Variants in LEKR1 observed in about 807,000 individuals in gnomAD.
LEKR1 encodes leucine, glutamate and lysine rich 1, also known as protein LEKR1.
LEKR1 carries 59 observed loss-of-function variants against 72.4 expected under a neutral mutation model. The ratio of observed to expected loss-of-function variants is 0.82; its 90% CI spans 0.66 to 1.01. The LOEUF is 1.01. Among genes scored for constraint, LEKR1 ranks in the 50% least tolerant of loss-of-function variants. The probability of loss-of-function intolerance (pLI) is 0.00; values close to 1 mark genes in which losing one functional copy is unlikely to be tolerated. For synonymous variants in LEKR1, 257 were observed against 263.2 expected (o/e 0.98, Z 0.23); for missense variants, 728 against 759.2 (o/e 0.96, Z 0.48).
intron 12 of LEKR1, among the ~76,000 whole-genome samples, chr3:157,042,742 T>G (rs1735445026): frequency 6.6e-6 from 1 of 152,250 alleles, no homozygotes; most frequent in African/African-American, 2.4e-5. Flanking sequence ...CATTCCATAT[T>G]GTTGTGCCTG....
intron 6 of LEKR1, among the ~76,000 whole-genome samples, chr3:156,960,138 T>C (rs1179475729): frequency 2.0e-5 from 3 of 152,232 alleles, no homozygotes; most frequent in African/African-American, 7.2e-5. Context: ...TCTGATATGC[T>C]ATGATTCTGG....
chr3:156,922,649 G>A (rs912193658), intron 4 of LEKR1, among the ~76,000 whole-genome samples: 1 of 152,138 alleles, frequency 6.6e-6, no homozygotes, highest in Non-Finnish European at 1.5e-5. Context: ...TCCAGCCTGT[G>A]TCTTGCAAGG....
chr3:156,857,613 A>G (rs1406414355), intron 3 of LEKR1, among the ~76,000 whole-genome samples: 8 of 152,202 alleles, frequency 5.3e-5, no homozygotes, highest in Admixed American at 5.2e-4. Flanking sequence ...TGTGAAATGC[A>G]CTAATGAATG....
At chr3:156,870,413 C>T (rs1717789044) in intron 3 of LEKR1, among the ~76,000 whole-genome samples, 1 of 151,918 alleles carries the variant, frequency 6.6e-6, no homozygotes, top group African/African-American at 2.4e-5. Flanking sequence ...TTTTTCACCT[C>T]CTTGGTTAAA....
intron 3 of LEKR1, 75 bp from the exon 4 acceptor site, chr3:156,920,496 AAAGT>A (rs1192200159): frequency 4.7e-6 from 4 of 847,764 alleles, no homozygotes; most frequent in Non-Finnish European, 7.1e-6. Flanking sequence ...CTTTTTATTA[AAAGT>A]AAGTATATTT....
intron 3 of LEKR1, among the ~76,000 whole-genome samples, chr3:156,883,128 T>C (rs907055007): frequency 2.6e-5 from 4 of 151,798 alleles, no homozygotes; most frequent in African/African-American, 7.3e-5. Context: ...ATTGTGCACA[T>C]GTACCCTAAA....
intron 3 of LEKR1, among the ~76,000 whole-genome samples, chr3:156,920,357 T>C (rs1724076356): frequency 6.6e-6 from 1 of 152,188 alleles, no homozygotes; most frequent in South Asian, 2.1e-4. Context: ...TTCAATATTC[T>C]TTACTTTTTC....
rs143627983 is a variant in LEKR1, at chr3:156,848,425, C to T, written c.49-4343C>T. On this transcript the variant is annotated intron_variant, in intron 2 of 12. Transcript: ENST00000356539. ...ATTTGTGAGGATATATTAGACAAAA[C>T]ATAACCCTTGGGCCAATTTTATGTT... Among the ~76,000 whole-genome samples the T allele has an allele frequency of 7.4e-3, 1,125 of 152,188 alleles. 11 individuals are homozygous for T. The highest frequency in any genetic ancestry group is 0.011 in the Non-Finnish European group (776 of 67,990).
rs532936153 is a variant in LEKR1 at position 157,016,209 on chromosome 3, C to G, written c.1203+4703C>G. Among the ~76,000 whole-genome samples the G allele has an allele frequency of 9.2e-5, 14 of 152,088 alleles. No homozygotes were observed. The South Asian group carries it at 2.9e-3, about 32-fold the overall frequency. On this transcript the variant is annotated intron_variant, in intron 10 of 12. Coordinates refer to ENST00000356539, the MANE Select transcript of LEKR1 (RefSeq NM_001004316.3). Reference sequence around the variant, plus strand: ...GAAAGTTTTACAAATTTAATGAAAACTAAACACCCACAGTTTTAAGAAGCT... The same window carrying G: ...GAAAGTTTTACAAATTTAATGAAAAGTAAACACCCACAGTTTTAAGAAGCT...
At chr3:157,039,930 G>GT (rs1330588863) in intron 12 of LEKR1, among the ~76,000 whole-genome samples, 4 of 152,182 alleles carry the variant, frequency 2.6e-5, no homozygotes, top group Non-Finnish European at 5.9e-5. Flanking sequence ...TTTTTAAAGA[G>GT]TAAGAGGGTA....
intron 2 of LEKR1, among the ~76,000 whole-genome samples, chr3:156,846,912 A>G (rs1258745473): frequency 6.6e-6 from 1 of 152,138 alleles, no homozygotes; most frequent in African/African-American, 2.4e-5. Context: ...TCCTGGGCTC[A>G]AGCAACCCTC....
intron 3 of LEKR1, among the ~76,000 whole-genome samples, chr3:156,885,669 G>A (rs1470539648): frequency 1.3e-5 from 2 of 152,252 alleles, no homozygotes. Flanking sequence ...GGTAGAGATG[G>A]CGGAGAAGTA....
At chr3:157,004,329 G>C (rs775212021) in intron 9 of LEKR1, among the ~76,000 whole-genome samples, 6 of 152,070 alleles carry the variant, frequency 3.9e-5, no homozygotes, top group Non-Finnish European at 8.8e-5. Flanking sequence ...AATACAGGAA[G>C]CAAAAACTGG....
In LEKR1 at chr3:156,831,256, T is replaced by C. The variant is rs544514749; in HGVS notation, c.48+1879T>C. On this transcript the variant is annotated intron_variant, in intron 2 of 12. Transcript: ENST00000356539. ...CTGAAAAAACATCTCAAAAGGCCAATTGTAGGTTCTACAATAGTGATGTTA... is the reference window on the plus strand; with the variant it reads ...CTGAAAAAACATCTCAAAAGGCCAACTGTAGGTTCTACAATAGTGATGTTA... 2.6e-5 allele frequency among the ~76,000 whole-genome samples: 4 copies of C among 152,246 alleles called. No homozygotes were observed. The East Asian group carries it at 5.8e-4, about 22-fold the overall frequency.
At chr3:156,895,798 C>T (rs554192879) in intron 3 of LEKR1, among the ~76,000 whole-genome samples, 55 of 152,206 alleles carry the variant, frequency 3.6e-4, no homozygotes, top group African/African-American at 8.9e-4. Flanking sequence ...GAAGACAGTG[C>T]GCTGATTCCT....
At chr3:157,042,427 C>A (rs900467700) in intron 12 of LEKR1, among the ~76,000 whole-genome samples, 11 of 152,156 alleles carry the variant, frequency 7.2e-5, no homozygotes, top group South Asian at 4.1e-4. Context: ...ATAATCTGAT[C>A]CTTCCATGAC....
At chr3:156,988,285 T>C (rs183000442) in intron 7 of LEKR1, 2 of 203,190 alleles carry the variant, frequency 9.8e-6, no homozygotes, top group African/African-American at 2.3e-5. Flanking sequence ...GCGGTAGATA[T>C]CTGTCTAGAA....
intron 3 of LEKR1, among the ~76,000 whole-genome samples, chr3:156,911,069 C>T (rs114082259): frequency 0.064 from 9,754 of 152,218 alleles, 359 homozygotes; most frequent in South Asian, 0.12. Flanking sequence ...TTTTGATTTA[C>T]ATTCCTCTAA....
At chr3:156,976,926 C>T (rs183884618) in intron 6 of LEKR1, among the ~76,000 whole-genome samples, 3 of 152,272 alleles carry the variant, frequency 2.0e-5, no homozygotes, top group Admixed American at 6.5e-5. Context: ...ATCTACTCTA[C>T]ACCATTACCT....
Sources: allele counts gnomAD v4.1 joint callset (sites outside exome capture counted in the v4.1 genomes callset), GRCh38; gene constraint gnomAD v4.1.1; transcripts MANE v1.5; gene names NCBI Gene and HGNC (gene_info 2026-07-23, HGNC 2026-07-21).